The following TNN variants were observed in gnomAD, a reference collection of about 807,000 sequenced individuals.
TNN encodes the protein tenascin N.
Under a neutral mutation model 134.4 loss-of-function variants are expected in TNN, and 122 were observed. The ratio of observed to expected loss-of-function variants is 0.91; its 90% CI spans 0.78 to 1.06. TNN has a LOEUF of 1.06. Ranked by LOEUF, TNN falls within the 50% of genes least tolerant of loss-of-function variation. TNN has a pLI of 0.00. For missense variants in TNN, 1,739 were observed against 1,699.4 expected, an observed-to-expected ratio of 1.02 and a Z score of -0.41; for synonymous variants, 710 against 670.3, an observed-to-expected ratio of 1.06 and a Z score of -0.91.
At chr1:175,121,259 G>C (rs888723996) in intron 11 of TNN, among the ~76,000 whole-genome samples, 1 of 152,232 alleles carries the variant, frequency 6.6e-6, no homozygotes, top group Non-Finnish European at 1.5e-5. Context: ...ACAGAAGAAG[G>C]GGGAGAATGG....
At chr1:175,083,114 T>A (rs1674236531) in intron 4 of TNN, among the ~76,000 whole-genome samples, 1 of 152,010 alleles carries the variant, frequency 6.6e-6, no homozygotes, top group Non-Finnish European at 1.5e-5. Flanking sequence ...AGGTACCAGA[T>A]GGAAGTGCTA....
rs532438046 is a variant in TNN, at chr1:175,077,866, A to T, written c.409+39A>T. Reference sequence around the variant, plus strand: ...CTGGTATTCATTCAACAAACATTTGATGAGCACCTATTATGTGCCAGGGTT... The same window carrying T: ...CTGGTATTCATTCAACAAACATTTGTTGAGCACCTATTATGTGCCAGGGTT... On this transcript the variant is annotated intron_variant, in intron 2 of 18. Coordinates refer to ENST00000239462, the MANE Select transcript of TNN (RefSeq NM_022093.2). 5.1e-6 allele frequency: 8 copies of T among 1,577,092 alleles called. No homozygotes were observed. In the South Asian group the frequency reaches 9.3e-5, roughly 18 times the overall value.
In TNN at chr1:175,135,935, T is replaced by A; in HGVS notation, c.3421T>A (p.Trp1141Arg). The stretch of plus-strand genomic sequence containing the variant: ...CTTTGGGGACCCCATGAAGGAGTTC[T>A]GGCTTGGTATGATCTCAGAATCCAG... ...EGFGDPMKEF[W>R]LGLDKLHNLT... The change falls in exon 16 of 19, where the codon TGG (tryptophan) becomes AGG (arginine). Residue 1141 changes from tryptophan (W) to arginine (R), a missense_variant. Transcript: ENST00000239462. 1 of 1,610,262 alleles carries A rather than the reference T, an allele frequency of 6.2e-7. No individual in the cohort carries two copies. Among genetic ancestry groups the A allele is most frequent in the African/African-American group, 1.3e-5 (1 of 74,968 alleles).
At chr1:175,093,144 C>A (rs1290016052) in intron 6 of TNN, among the ~76,000 whole-genome samples, 1 of 152,268 alleles carries the variant, frequency 6.6e-6, no homozygotes, top group Admixed American at 6.5e-5. Context: ...CCATAGTCCA[C>A]TGTCCCTCTC....
intron 16 of TNN, among the ~76,000 whole-genome samples, 157 bp downstream of exon 16, chr1:175,136,098 G>A (rs573301386): frequency 2.0e-4 from 30 of 152,298 alleles, no homozygotes; most frequent in African/African-American, 6.5e-4. Context: ...TGGGCATGTT[G>A]ATGGGAAGGC....
At position 175,079,507 on chromosome 1, in the gene TNN, C is replaced by T. The variant is rs1351393797; in HGVS notation, c.584C>T (p.Ala195Val). Reference protein sequence around the residue: ...RCLCHEPYVGADCGYPACPEN... With the variant: ...RCLCHEPYVGVDCGYPACPEN... ...CTGTGCCATGAGCCCTACGTGGGTG[C>T]CGACTGCGGCTACCCGGCCTGCCCT... The change falls in exon 3 of 19, where the codon GCC becomes GTC. Residue 195 changes from alanine to valine, a missense_variant. Physicochemically the swap from Ala to Val is moderately conservative, Grantham distance 64. Coordinates refer to ENST00000239462, the MANE Select transcript of TNN (RefSeq NM_022093.2). The T allele has an allele frequency of 3.2e-6, 5 of 1,561,092 alleles. No homozygotes were observed. The African/African-American group carries it at 5.4e-5, about 17-fold the overall frequency.
At chr1:175,093,844 C>T in intron 6 of TNN, 146 bp from the exon 7 acceptor site, 2 of 737,120 alleles carry the variant, frequency 2.7e-6, no homozygotes, top group South Asian at 2.1e-5. Flanking sequence ...GCCAGTTGTC[C>T]ACTTGTCACT....
At chr1:175,139,728 A>G (rs1220524922) in intron 17 of TNN, among the ~76,000 whole-genome samples, 3 of 152,222 alleles carry the variant, frequency 2.0e-5, no homozygotes, top group Admixed American at 2.0e-4. Flanking sequence ...TATTTACTGT[A>G]TGTAATTGTA....
intron 12 of TNN, among the ~76,000 whole-genome samples, chr1:175,125,697 TTTTCTCTCTTTCTTTC>T (rs1338146843): frequency 1.0e-3 from 53 of 52,104 alleles, no homozygotes; most frequent in African/African-American, 3.0e-3. Flanking sequence ...TTTCTCTCTT[TTTTCTCTCTTTCTTTC>T]TTTCTTTCTT....
Position 175,147,157 on chromosome 1 carries a change from G to T in TNN, c.*86G>T. 1 of 1,286,154 alleles carries T rather than the reference G, an allele frequency of 7.8e-7. No individual in the cohort carries two copies. Among genetic ancestry groups the T allele is most frequent in the Non-Finnish European group, 1.0e-6 (1 of 977,036 alleles). The allele number at this position is 1,286,154 out of a possible 1,614,324, so 79.7% of individuals were successfully genotyped here. On this transcript the variant is annotated 3_prime_UTR_variant, in exon 19 of 19. Coordinates refer to ENST00000239462, the MANE Select transcript of TNN (RefSeq NM_022093.2). Reference sequence around the variant, plus strand: ...GGGTAGTGGTCACTGCGGTCTGGGAGTGCTCAGATAGCCCGCAGAACAAAT... The same window carrying T: ...GGGTAGTGGTCACTGCGGTCTGGGATTGCTCAGATAGCCCGCAGAACAAAT...
At chr1:175,133,770 C>T (rs180924369) in intron 15 of TNN, among the ~76,000 whole-genome samples, 4 of 152,138 alleles carry the variant, frequency 2.6e-5, no homozygotes, top group Non-Finnish European at 2.9e-5. Flanking sequence ...CAAATTCCAG[C>T]GACTGAACAA....
intron 9 of TNN, among the ~76,000 whole-genome samples, chr1:175,107,474 G>A (rs145503088): frequency 0.014 from 2,066 of 144,310 alleles, 178 homozygotes; most frequent in African/African-American, 0.047. Flanking sequence ...GGAGTTGTTC[G>A]TTCCTCCCAG....
chr1:175,107,344 C>A (rs192095123), intron 9 of TNN, among the ~76,000 whole-genome samples: 1 of 138,846 alleles, frequency 7.2e-6, no homozygotes, highest in Admixed American at 7.4e-5. Flanking sequence ...GAGTCTGTCC[C>A]TTCTGATGTT....
chr1:175,096,043 T>C (rs2149432275), intron 7 of TNN, among the ~76,000 whole-genome samples: 1 of 152,342 alleles, frequency 6.6e-6, no homozygotes, highest in African/African-American at 2.4e-5. Context: ...CACGCCTGTA[T>C]GGCATTCACA....
intron 6 of TNN, among the ~76,000 whole-genome samples, chr1:175,090,784 C>T (rs974512449): frequency 2.0e-5 from 3 of 152,194 alleles, no homozygotes; most frequent in African/African-American, 7.2e-5. Context: ...CACCTTTATT[C>T]TAACTAACGT....
At chr1:175,070,836 C>G (rs1482081395) in intron 1 of TNN, among the ~76,000 whole-genome samples, 1 of 152,176 alleles carries the variant, frequency 6.6e-6, no homozygotes, top group African/African-American at 2.4e-5. Flanking sequence ...CCTCAGCCAG[C>G]TGAGAACTTG....
intron 9 of TNN, among the ~76,000 whole-genome samples, chr1:175,105,685 C>T (rs750983274): frequency 8.9e-5 from 13 of 145,634 alleles, no homozygotes; most frequent in Non-Finnish European, 7.6e-5. Flanking sequence ...GGGGCCAAGC[C>T]GTAGTGCAGG....
intron 12 of TNN, among the ~76,000 whole-genome samples, chr1:175,126,562 C>T (rs1259083282): frequency 6.6e-6 from 1 of 152,156 alleles, no homozygotes. Context: ...GCCAAGTCAC[C>T]CTGGTTTCTT....
intron 17 of TNN, among the ~76,000 whole-genome samples, chr1:175,140,499 CT>C (rs1675920436): frequency 6.6e-6 from 1 of 152,190 alleles, no homozygotes; most frequent in Non-Finnish European, 1.5e-5. Flanking sequence ...TACCATTTGC[CT>C]TTTCTGAAGC....
Sources: allele counts gnomAD v4.1 joint callset (sites outside exome capture counted in the v4.1 genomes callset), GRCh38; gene constraint gnomAD v4.1.1; transcripts MANE v1.5; gene names NCBI Gene and HGNC (gene_info 2026-07-23, HGNC 2026-07-21).